Variants in KCNG3 observed in about 807,000 individuals in gnomAD.
KCNG3 encodes voltage-gated potassium channel regulatory subunit KCNG3.
KCNG3 carries 15 observed loss-of-function variants against 29.0 expected under a neutral mutation model. The observed-to-expected ratio is 0.52, with a 90% CI of 0.35 to 0.80. The LOEUF is 0.80. KCNG3 is among the 30% of genes least tolerant of loss of function. The pLI is 0.01. For missense variants in KCNG3, 512 were observed against 605.7 expected, an observed-to-expected ratio of 0.85 and a Z score of 1.62; for synonymous variants, 322 against 248.9, an observed-to-expected ratio of 1.29 and a Z score of -2.76.
At chr2:42,466,838 T>C (rs1673154488) in intron 1 of KCNG3, among the ~76,000 whole-genome samples, 1 of 150,550 alleles carries the variant, frequency 6.6e-6, no homozygotes, top group Admixed American at 6.7e-5. Context: ...CTGCAACCTC[T>C]GCCACCCGGG....
At chr2:42,455,165 T>C (rs1164725854) in intron 1 of KCNG3, among the ~76,000 whole-genome samples, 2 of 152,206 alleles carry the variant, frequency 1.3e-5, no homozygotes, top group African/African-American at 4.8e-5. Context: ...ATGTTCTTTA[T>C]ATTTTGTAGA....
At chr2:42,414,783 G>C in the KCNG3 span, among the ~76,000 whole-genome samples, 8 of 151,990 alleles carry the variant, frequency 5.3e-5, no homozygotes, top group Admixed American at 2.0e-4. Context: ...TCTAAGAGTT[G>C]TCTTCAGTTC....
chr2:42,419,227 T>C, the KCNG3 span, among the ~76,000 whole-genome samples: 1 of 100,370 alleles, frequency 1.0e-5, no homozygotes, highest in South Asian at 3.7e-4. Flanking sequence ...CTCTTTTTTT[T>C]TTTTTTTTTT....
intron 1 of KCNG3, among the ~76,000 whole-genome samples, chr2:42,487,387 C>G (rs1673752576): frequency 7.4e-6 from 1 of 136,052 alleles, no homozygotes; most frequent in African/African-American, 2.7e-5. Context: ...CTCTGTCACT[C>G]AGGCTGGAAT....
At chr2:42,470,150 T>C (rs878862191) in intron 1 of KCNG3, 1 of 427,850 alleles carries the variant, frequency 2.3e-6, no homozygotes, top group Admixed American at 3.5e-5. Flanking sequence ...TGCTAAATTC[T>C]GTCTGATTCT....
intron 1 of KCNG3, among the ~76,000 whole-genome samples, chr2:42,465,999 C>T (rs1420820054): frequency 1.3e-5 from 2 of 152,184 alleles, no homozygotes; most frequent in Non-Finnish European, 2.9e-5. Flanking sequence ...CGTATACAGT[C>T]ATACACCACA....
At chr2:42,467,403 C>G (rs749889549) in intron 1 of KCNG3, among the ~76,000 whole-genome samples, 3 of 152,206 alleles carry the variant, frequency 2.0e-5, no homozygotes, top group Non-Finnish European at 4.4e-5. Context: ...CGCAGCAACT[C>G]ACGCCTGTAA....
intron 1 of KCNG3, among the ~76,000 whole-genome samples, chr2:42,474,948 A>C (rs1168956493): frequency 6.6e-6 from 1 of 152,166 alleles, no homozygotes; most frequent in Non-Finnish European, 1.5e-5. Flanking sequence ...CAAACTAATC[A>C]TAATTAGACC....
At chr2:42,437,070 C>G (rs1242093550), downstream of KCNG3, among the ~76,000 whole-genome samples, 2 of 152,110 alleles carry the variant, frequency 1.3e-5, no homozygotes, top group East Asian at 3.9e-4. Flanking sequence ...TTTTCCCATA[C>G]GAATGTCTGG....
chr2:42,481,930 T>C (rs1266700206), intron 1 of KCNG3, among the ~76,000 whole-genome samples: 1 of 152,206 alleles, frequency 6.6e-6, no homozygotes, highest in African/African-American at 2.4e-5. Flanking sequence ...TTCATAACAC[T>C]TATCGCCCTC....
intron 1 of KCNG3, among the ~76,000 whole-genome samples, chr2:42,484,565 C>T (rs1673675491): frequency 6.6e-6 from 1 of 152,132 alleles, no homozygotes; most frequent in South Asian, 2.1e-4. Context: ...TGTGTACACG[C>T]ACATGTGTAT....
chr2:42,441,440 G>A (rs771507341), downstream of KCNG3, among the ~76,000 whole-genome samples: 8 of 151,786 alleles, frequency 5.3e-5, no homozygotes, highest in Non-Finnish European at 1.2e-4. Flanking sequence ...CTCAGGGAAC[G>A]TTACAATAAA....
rs75317333 is a variant in KCNG3 at position 42,469,066 on chromosome 2, T to A, written c.665+23771A>T. Reference sequence around the variant, plus strand: ...TTCCCAAGAAGGGTTTTCATGGTAATTAATAAGCTGATTATATTATTTCAG... The same window carrying A: ...TTCCCAAGAAGGGTTTTCATGGTAAATAATAAGCTGATTATATTATTTCAG... On this transcript the variant is annotated intron_variant, in intron 1 of 1. Transcript: ENST00000306078. 1.7e-4 allele frequency among the ~76,000 whole-genome samples: 26 copies of A among 151,786 alleles called. 1 individual carries two copies. In the East Asian group the frequency reaches 5.0e-3, roughly 29 times the overall value.
At chr2:42,473,967 C>T (rs909123178) in intron 1 of KCNG3, among the ~76,000 whole-genome samples, 2 of 151,966 alleles carry the variant, frequency 1.3e-5, no homozygotes, top group Non-Finnish European at 2.9e-5. Context: ...GCCTGGCCAA[C>T]ATGGTGAAAC....
chr2:42,460,069 T>C (rs1209270438), intron 1 of KCNG3, among the ~76,000 whole-genome samples: 1 of 151,928 alleles, frequency 6.6e-6, no homozygotes, highest in Non-Finnish European at 1.5e-5. Context: ...CTTGCAAGTA[T>C]AAAACTATTT....
chr2:42,457,766 T>C (rs1331216777), intron 1 of KCNG3, among the ~76,000 whole-genome samples: 1 of 150,852 alleles, frequency 6.6e-6, no homozygotes, highest in Non-Finnish European at 1.5e-5. Flanking sequence ...CAGTGAGCTA[T>C]GATCACACCA....
the KCNG3 span, among the ~76,000 whole-genome samples, chr2:42,414,507 C>A: frequency 6.6e-6 from 1 of 150,682 alleles, no homozygotes; most frequent in East Asian, 1.9e-4. Context: ...TCTTTATTTC[C>A]AATATTTTGT....
intron 1 of KCNG3, among the ~76,000 whole-genome samples, 185 bp downstream of exon 1, chr2:42,492,652 G>A (rs1445019504): frequency 6.6e-6 from 1 of 152,232 alleles, no homozygotes; most frequent in African/African-American, 2.4e-5. Context: ...CCCCGCTGGT[G>A]CCCCGGACAA....
chr2:42,450,895 G>A (rs1003172113), intron 1 of KCNG3, among the ~76,000 whole-genome samples: 3 of 152,160 alleles, frequency 2.0e-5, no homozygotes, highest in African/African-American at 7.2e-5. Context: ...ATGATTTTAT[G>A]ACAATGTCCA....
Sources: gnomAD v4.1 joint callset for allele counts (sites outside exome capture counted in the v4.1 genomes callset) on GRCh38, gnomAD v4.1.1 for gene constraint, MANE v1.5 for transcripts, NCBI Gene and HGNC (gene_info 2026-07-23, HGNC 2026-07-21) for gene names.